The following SCARA3 variants were observed in gnomAD, a reference collection of about 807,000 sequenced individuals.
SCARA3 encodes the protein cellular stress response gene protein.
Under a neutral mutation model 47.0 loss-of-function variants are expected in SCARA3, and 39 were observed. The ratio of observed to expected loss-of-function variants is 0.83; its 90% CI spans 0.64 to 1.08. SCARA3 has a LOEUF of 1.08. Ranked by LOEUF, SCARA3 falls within the 50% of genes least tolerant of loss-of-function variation. SCARA3 has a pLI of 0.00. For synonymous variants in SCARA3, 356 were observed against 334.1 expected (o/e 1.07, Z -0.71); for missense variants, 724 against 792.3 (o/e 0.91, Z 1.04).
intron 1 of SCARA3, among the ~76,000 whole-genome samples, chr8:27,640,411 T>C (rs1382116062): frequency 6.6e-6 from 1 of 152,136 alleles, no homozygotes; most frequent in African/African-American, 2.4e-5. Context: ...CTTTGAGACA[T>C]AGTCTCACTC....
At chr8:27,670,167 A>G (rs1802113652) in intron 5 of SCARA3, among the ~76,000 whole-genome samples, 1 of 152,148 alleles carries the variant, frequency 6.6e-6, no homozygotes, top group Non-Finnish European at 1.5e-5. Context: ...ACCCCCTTCA[A>G]GCACATACTG....
rs1438736589 is a variant in SCARA3 at position 27,659,265 on chromosome 8, T to C, written c.1095T>C (p.Asn365=). 1.2e-5 allele frequency: 20 copies of C among 1,614,030 alleles called. No homozygotes were observed. Among genetic ancestry groups the C allele is most frequent in the Non-Finnish European group, 1.7e-5 (20 of 1,180,028 alleles). Residue 365 remains asparagine, a synonymous_variant, in exon 5 of 6, where the codon AAT becomes AAC. Coordinates refer to ENST00000301904, the MANE Select transcript of SCARA3 (RefSeq NM_016240.3). ...TTGGCACCATCTTCACCAACATCAATGCCACCGACAACCACGTGCACAGCA... is the reference window on the plus strand; with the variant it reads ...TTGGCACCATCTTCACCAACATCAACGCCACCGACAACCACGTGCACAGCA... The part of the protein sequence containing the change: ...IEIGTIFTNI[N]ATDNHVHSML...
downstream of SCARA3, among the ~76,000 whole-genome samples, chr8:27,677,307 G>T (rs1802293810): frequency 6.6e-6 from 1 of 152,224 alleles, no homozygotes; most frequent in Admixed American, 6.5e-5. Context: ...ACTGGAGTTT[G>T]CGGCTGCCAA....
At chr8:27,660,618 T>TGACAGATA (rs1554539819) in intron 5 of SCARA3, among the ~76,000 whole-genome samples, 5 of 130,992 alleles carry the variant, frequency 3.8e-5, no homozygotes, top group Non-Finnish European at 8.3e-5. Context: ...TAGAGATAGA[T>TGACAGATA]GATAGATAGA....
chr8:27,670,234 T>A (rs1374789169), intron 5 of SCARA3, among the ~76,000 whole-genome samples: 1 of 152,190 alleles, frequency 6.6e-6, no homozygotes, highest in African/African-American at 2.4e-5. Flanking sequence ...GAGCCGTGGC[T>A]CCTGCCATCT....
At chr8:27,663,197 A>G (rs991932009) in intron 5 of SCARA3, among the ~76,000 whole-genome samples, 1 of 152,220 alleles carries the variant, frequency 6.6e-6, no homozygotes, top group Non-Finnish European at 1.5e-5. Flanking sequence ...ACCCACTGGG[A>G]GCCTTTATCT....
chr8:27,691,036 G>T, the SCARA3 span, among the ~76,000 whole-genome samples: 1 of 152,118 alleles, frequency 6.6e-6, no homozygotes, highest in African/African-American at 2.4e-5. Flanking sequence ...ATCCGTAAAA[G>T]CCTGGTAATA....
chr8:27,733,387 T>C, the SCARA3 span: 1 of 152,196 alleles, frequency 6.6e-6, no homozygotes, highest in Non-Finnish European at 1.5e-5. Flanking sequence ...GCATCTGGGG[T>C]TGGCATCATT....
chr8:27,665,896 G>A (rs555038611), intron 5 of SCARA3, among the ~76,000 whole-genome samples: 2 of 152,300 alleles, frequency 1.3e-5, no homozygotes, highest in East Asian at 3.9e-4. Flanking sequence ...TTGGCTCTTG[G>A]AAAGTACAAG....
In SCARA3 at chr8:27,671,278, G is replaced by T; in HGVS notation, c.1748G>T (p.Gly583Val). Residue 583 changes from glycine (G) to valine (V), a missense_variant, in exon 6 of 6, where the codon GGT becomes GTT. By Grantham distance (109) the Gly-to-Val change is moderately radical. Transcript: ENST00000301904. Reference protein sequence around the residue: ...PGQRGAMGPKGEPGIQGPPGL... With the variant: ...PGQRGAMGPKVEPGIQGPPGL... ...CAGCGGGGGGCCATGGGGCCTAAGG[G>T]TGAACCAGGGATCCAGGGTCCCCCT... 6.9e-7 allele frequency: 1 copy of T among 1,452,306 alleles called. No individual in the cohort carries two copies. The highest frequency in any genetic ancestry group is 9.1e-7 in the Non-Finnish European group (1 of 1,103,702). The allele number at this position is 1,452,306 out of a possible 1,614,324, so 90.0% of individuals were successfully genotyped here.
chr8:27,708,523 A>T, the SCARA3 span, among the ~76,000 whole-genome samples: 2 of 152,196 alleles, frequency 1.3e-5, no homozygotes, highest in African/African-American at 4.8e-5. Flanking sequence ...AAATTTGTCT[A>T]AATATGCCTA....
the SCARA3 span, among the ~76,000 whole-genome samples, chr8:27,714,136 A>G: frequency 0.022 from 3,356 of 151,470 alleles, 137 homozygotes; most frequent in African/African-American, 0.078. Flanking sequence ...TACAACCTGC[A>G]GGACAATGAG....
chr8:27,639,348 C>T (rs865889477), intron 1 of SCARA3, among the ~76,000 whole-genome samples: 6 of 152,092 alleles, frequency 3.9e-5, no homozygotes, highest in Non-Finnish European at 5.9e-5. Context: ...ACGGCATATA[C>T]GGGAGATTGG....
the SCARA3 span, among the ~76,000 whole-genome samples, chr8:27,688,891 T>C: frequency 6.6e-6 from 1 of 152,188 alleles, no homozygotes; most frequent in Admixed American, 6.5e-5. Context: ...TACACAGGTA[T>C]TGGCTTTATA....
At chr8:27,661,082 A>G (rs937737125) in intron 5 of SCARA3, among the ~76,000 whole-genome samples, 1 of 152,080 alleles carries the variant, frequency 6.6e-6, no homozygotes, top group Admixed American at 6.5e-5. Flanking sequence ...TGCTCACGCC[A>G]GGGAGGGCAA....
Position 27,672,226 on chromosome 8 carries a change from C to T in SCARA3, c.*875C>T. ...CTGAGAAGTTCAACATTTATTTCTTCACGTGTCCAGAAAATTCCTCAATTC... is the reference window on the plus strand; with the variant it reads ...CTGAGAAGTTCAACATTTATTTCTTTACGTGTCCAGAAAATTCCTCAATTC... On this transcript the variant is annotated 3_prime_UTR_variant, in exon 6 of 6. Transcript: ENST00000301904. 1.0e-6 allele frequency: 1 copy of T among 985,500 alleles called. No homozygotes were observed. Among genetic ancestry groups the T allele is most frequent in the Non-Finnish European group, 1.2e-6 (1 of 829,980 alleles). The allele number at this position is 985,500 out of a possible 1,614,324, so 61.0% of individuals were successfully genotyped here.
the SCARA3 span, among the ~76,000 whole-genome samples, chr8:27,720,335 A>G: frequency 2.0e-5 from 3 of 152,102 alleles, no homozygotes; most frequent in East Asian, 1.9e-4. Context: ...TTTCTTTAAG[A>G]AGACTCTTAA....
chr8:27,714,401 G>T, the SCARA3 span, among the ~76,000 whole-genome samples: 43,684 of 151,612 alleles, frequency 0.29, 6,937 homozygotes, highest in South Asian at 0.45. Context: ...CACCATCTTG[G>T]GCAGGCTAGT....
the SCARA3 span, among the ~76,000 whole-genome samples, chr8:27,685,935 A>G: frequency 1.3e-5 from 2 of 152,206 alleles, no homozygotes; most frequent in East Asian, 1.9e-4. Flanking sequence ...GTGGGGGGGA[A>G]ATGTGTACAG....
Sources: allele counts gnomAD v4.1 joint callset (sites outside exome capture counted in the v4.1 genomes callset), GRCh38; gene constraint gnomAD v4.1.1; transcripts MANE v1.5; gene names NCBI Gene and HGNC (gene_info 2026-07-23, HGNC 2026-07-21).